MAMLD1: variants seen among roughly 807,000 people sequenced by gnomAD.
The protein encoded by MAMLD1 is mastermind-like domain-containing protein 1.
A neutral mutation model predicts 45.0 loss-of-function variants in MAMLD1; 14 were observed. The observed-to-expected ratio is 0.31, with a 90% CI of 0.21 to 0.49. The LOEUF is 0.49. Ranked by LOEUF, MAMLD1 falls within the 20% of genes least tolerant of loss-of-function variation. The probability of loss-of-function intolerance (pLI) is 0.99; values close to 1 mark genes in which losing one functional copy is unlikely to be tolerated. For synonymous variants in MAMLD1, 254 were observed against 247.8 expected, an observed-to-expected ratio of 1.02 and a Z score of -0.24; for missense variants, 543 against 603.6, an observed-to-expected ratio of 0.90 and a Z score of 1.05.
chrX:150,511,919 G>A (rs1385633778), intron 7 of MAMLD1, 85 bp from the exon 8 acceptor site: 1 of 895,689 alleles, frequency 1.1e-6, no homozygotes, highest in Admixed American at 4.4e-5. Flanking sequence ...AGTCCGTGTT[G>A]GGCCAGGAGC....
At position 150,471,440 on chromosome X, in the gene MAMLD1, C is replaced by T. The variant is rs377121596; in HGVS notation, c.1867C>T (p.Arg623Cys). 20 of 1,210,109 alleles carry T rather than the reference C, an allele frequency of 1.7e-5. No individual in the cohort carries two copies. Among genetic ancestry groups the T allele is most frequent in the South Asian group, 3.5e-5 (2 of 56,841 alleles). Residue 623 changes from arginine to cysteine, a missense_variant, in exon 4 of 8, where the codon CGT becomes TGT. Arg to Cys is a radical substitution (Grantham distance 180). Transcript: ENST00000370401. ...LLQQMMQQPQ[R>C]FQRSVASDSM... ...GCAGCAGATGATGCAGCAACCCCAG[C>T]GTTTTCAGCGATCAGTGGCCTCAGA... is the stretch of plus-strand genomic sequence containing the variant.
intron 5 of MAMLD1, among the ~76,000 whole-genome samples, chrX:150,494,680 G>T (rs1159840888): frequency 1.8e-5 from 2 of 108,339 alleles, no homozygotes; most frequent in African/African-American, 3.4e-5. Context: ...CAGAGTTTGA[G>T]ACCAACCTGG....
intron 1 of MAMLD1, among the ~76,000 whole-genome samples, chrX:150,367,238 A>G (rs1301382755): frequency 1.2e-5 from 1 of 82,158 alleles, no homozygotes; most frequent in African/African-American, 5.0e-5. Flanking sequence ...GAATTTTTAC[A>G]CTCCACCAGG....
At chrX:150,433,855 T>C (rs2035033177) in intron 1 of MAMLD1, among the ~76,000 whole-genome samples, 1 of 111,882 alleles carries the variant, frequency 8.9e-6, no homozygotes, top group Non-Finnish European at 1.9e-5. Context: ...TCAAGAATAT[T>C]GGCCGTAAGT....
At chrX:150,482,788 T>C (rs782620905) in intron 5 of MAMLD1, among the ~76,000 whole-genome samples, 3 of 112,451 alleles carry the variant, frequency 2.7e-5, no homozygotes, top group Non-Finnish European at 5.6e-5. Flanking sequence ...GAAATAACTT[T>C]CCTGGAAAAT....
At chrX:150,478,141 C>T (rs1413244619) in intron 5 of MAMLD1, among the ~76,000 whole-genome samples, 4 of 111,960 alleles carry the variant, frequency 3.6e-5, no homozygotes, top group African/African-American at 1.3e-4. Context: ...ATTAGCTCTG[C>T]AAATTAAATT....
At chrX:150,379,775 AG>A (rs1439008202) in intron 1 of MAMLD1, among the ~76,000 whole-genome samples, 3 of 111,660 alleles carry the variant, frequency 2.7e-5, no homozygotes, top group Non-Finnish European at 3.8e-5. Context: ...TCCTTACATA[AG>A]GGTGGCTTAA....
chrX:150,443,303 TTTTG>T (rs2035381051), intron 1 of MAMLD1, among the ~76,000 whole-genome samples: 1 of 108,473 alleles, frequency 9.2e-6, no homozygotes, highest in African/African-American at 3.3e-5. Context: ...AAGTTAGATC[TTTTG>T]TTTGTAATTC....
At chrX:150,413,086 C>T (rs1188520029) in intron 1 of MAMLD1, among the ~76,000 whole-genome samples, 1 of 111,344 alleles carries the variant, frequency 9.0e-6, no homozygotes, top group African/African-American at 3.3e-5. Flanking sequence ...CCTTTAGCTA[C>T]CTGAGGCATT....
At position 150,471,231 on chromosome X, in the gene MAMLD1, G is replaced by C; in HGVS notation, c.1658G>C (p.Gly553Ala). ...TTGTCCCATTTTGTTTCTGAGCCGG[G>C]TCCCCAGAAGATGCCCTCCATGCCT... is the stretch of plus-strand genomic sequence containing the variant. ...KPLSHFVSEP[G>A]PQKMPSMPTT... Residue 553 changes from glycine to alanine, a missense_variant, in exon 4 of 8, where the codon GGT (glycine) becomes GCT (alanine). Gly to Ala is a moderately conservative substitution (Grantham distance 60). Transcript: ENST00000370401. The C allele has an allele frequency of 4.1e-6, 5 of 1,211,557 alleles. No homozygotes were observed. In the South Asian group the frequency reaches 8.8e-5, roughly 21 times the overall value.
chrX:150,462,284 C>T (rs1251442661), intron 2 of MAMLD1, among the ~76,000 whole-genome samples: 5 of 111,976 alleles, frequency 4.5e-5, no homozygotes, highest in African/African-American at 9.8e-5. Context: ...ATCCCTGCAC[C>T]GACTGGTGAG....
intron 5 of MAMLD1, among the ~76,000 whole-genome samples, chrX:150,489,878 G>C (rs1557407871): frequency 9.0e-6 from 1 of 111,094 alleles, no homozygotes; most frequent in Non-Finnish European, 1.9e-5. Context: ...CCACAATGCA[G>C]GTGGTCTGTG....
At chrX:150,486,606 G>A (rs959638819) in intron 5 of MAMLD1, among the ~76,000 whole-genome samples, 2 of 111,050 alleles carry the variant, frequency 1.8e-5, no homozygotes, top group Non-Finnish European at 3.8e-5. Flanking sequence ...TCCTTCCCAC[G>A]CATACACCTC....
chrX:150,432,966 G>A (rs782284517), intron 1 of MAMLD1, among the ~76,000 whole-genome samples: 25 of 111,193 alleles, frequency 2.2e-4, no homozygotes, highest in Non-Finnish European at 3.8e-4. Flanking sequence ...TTGTTAGTTT[G>A]ATAGGAATAA....
chrX:150,484,513 G>A (rs782790598), intron 5 of MAMLD1, among the ~76,000 whole-genome samples: 1 of 112,224 alleles, frequency 8.9e-6, no homozygotes, highest in East Asian at 2.8e-4. Flanking sequence ...CAATGGCCTT[G>A]ACCATGTCAA....
intron 1 of MAMLD1, among the ~76,000 whole-genome samples, chrX:150,397,312 A>C (rs1449660284): frequency 3.6e-5 from 4 of 112,152 alleles, no homozygotes; most frequent in Non-Finnish European, 7.5e-5. Context: ...TAAATTGTTA[A>C]ACAGAACTGA....
At position 150,398,414 on chromosome X, in the gene MAMLD1, G is replaced by A. The variant is rs142976359; in HGVS notation, c.-64+34884G>A. On this transcript the variant is annotated intron_variant, in intron 1 of 7. Transcript: ENST00000370401. Reference sequence around the variant, plus strand: ...GAAGAAGAAGAAGAAGACAGGGAACGAAGGAGCAAAAATACACTAGCTTTC... The same window carrying A: ...GAAGAAGAAGAAGAAGACAGGGAACAAAGGAGCAAAAATACACTAGCTTTC... Among the ~76,000 whole-genome samples the A allele has an allele frequency of 3.7e-3, 402 of 108,307 alleles. 2 individuals carry two copies. Among genetic ancestry groups the A allele is most frequent in the African/African-American group, 9.8e-3 (294 of 29,852 alleles). The allele number at this position is 108,307 out of a possible 115,157, so 94.1% of individuals were successfully genotyped here.
intron 1 of MAMLD1, among the ~76,000 whole-genome samples, chrX:150,414,088 C>G (rs1254100579): frequency 2.0e-5 from 2 of 100,202 alleles, no homozygotes; most frequent in Non-Finnish European, 3.9e-5. Context: ...TGCCAAATTT[C>G]CGAAGGAAAA....
chrX:150,512,032 T>C lies in MAMLD1; in HGVS notation c.*73T>C, dbSNP rs1557409138. 3.4e-5 allele frequency: 38 copies of C among 1,103,398 alleles called. No homozygotes were observed. Among genetic ancestry groups the C allele is most frequent in the Non-Finnish European group, 3.6e-6 (3 of 844,715 alleles). 90.9% of individuals were successfully genotyped at this position (1,103,398 alleles called of 1,213,427 possible). ...TCCAAGAACAAGTCACCTCCAAGTG[T>C]AGCCGGATCAAGGCAAGCCCCCCAT... On this transcript the variant is annotated 3_prime_UTR_variant, in exon 8 of 8. Transcript: ENST00000370401.
Sources: gnomAD v4.1 joint callset for allele counts (sites outside exome capture counted in the v4.1 genomes callset) on GRCh38, gnomAD v4.1.1 for gene constraint, MANE v1.5 for transcripts, NCBI Gene and HGNC (gene_info 2026-07-23, HGNC 2026-07-21) for gene names.